RANBP17: variants seen among roughly 807,000 people sequenced by gnomAD.
RANBP17 encodes the protein RAN binding protein 17, also known as ran-binding protein 17.
A neutral mutation model predicts 141.2 loss-of-function variants in RANBP17; 158 were observed. The ratio of observed to expected loss-of-function variants is 1.12; its 90% confidence interval spans 0.98 to 1.28. The LOEUF (loss-of-function observed/expected upper bound fraction) is 1.28. Among genes scored for constraint, RANBP17 ranks in the 50% most tolerant of loss-of-function variants. The pLI is 0.00. For synonymous variants in RANBP17, 430 were observed against 450.0 expected, an observed-to-expected ratio of 0.96 and a Z score of 0.56; for missense variants, 1,438 against 1,290.7, an observed-to-expected ratio of 1.11 and a Z score of -1.75.
intron 14 of RANBP17, among the ~76,000 whole-genome samples, chr5:171,068,589 T>A (rs1784444471): frequency 6.6e-6 from 1 of 151,822 alleles, no homozygotes; most frequent in Admixed American, 6.6e-5. Context: ...TTGTTGTTGT[T>A]GTTGTTGTTG....
intron 5 of RANBP17, among the ~76,000 whole-genome samples, chr5:170,899,601 T>A (rs1330000301): frequency 1.3e-5 from 2 of 152,230 alleles, no homozygotes; most frequent in Admixed American, 1.3e-4. Flanking sequence ...TGTGCCGGTT[T>A]TCAAAGGGAA....
intron 14 of RANBP17, among the ~76,000 whole-genome samples, chr5:171,089,690 G>A (rs1165678854): frequency 4.6e-5 from 7 of 152,206 alleles, no homozygotes; most frequent in African/African-American, 1.7e-4. Flanking sequence ...GGTCTGAAAA[G>A]CGCAATATTC....
At chr5:171,291,819 AAAG>A (rs1768517206) in intron 25 of RANBP17, among the ~76,000 whole-genome samples, 1 of 152,240 alleles carries the variant, frequency 6.6e-6, no homozygotes, top group Non-Finnish European at 1.5e-5. Flanking sequence ...AAAGAATAAA[AAAG>A]AAAAAAAAAT....
chr5:170,862,385 G>A (rs2127291917), intron 1 of RANBP17, among the ~76,000 whole-genome samples: 1 of 152,318 alleles, frequency 6.6e-6, no homozygotes, highest in South Asian at 2.1e-4. Flanking sequence ...TGTTGCCAGG[G>A]CAGGTGGGAG....
intron 14 of RANBP17, among the ~76,000 whole-genome samples, chr5:170,996,221 G>A (rs930773633): frequency 6.6e-6 from 1 of 152,074 alleles, no homozygotes; most frequent in Non-Finnish European, 1.5e-5. Flanking sequence ...CCTTCCTCAC[G>A]GTTATTAAGT....
chr5:170,922,607 G>T (rs979789927), intron 11 of RANBP17, among the ~76,000 whole-genome samples: 1 of 152,212 alleles, frequency 6.6e-6, no homozygotes, highest in Admixed American at 6.5e-5. Context: ...GGCTCCGTGG[G>T]CGTGGGACCC....
intron 14 of RANBP17, among the ~76,000 whole-genome samples, chr5:171,132,239 C>G (rs1411416769): frequency 6.6e-6 from 1 of 151,722 alleles, no homozygotes; most frequent in Non-Finnish European, 1.5e-5. Context: ...CCAAGCCCTA[C>G]CCCCCACCCA....
chr5:171,018,667 G>A (rs1780620788), intron 14 of RANBP17, among the ~76,000 whole-genome samples: 1 of 152,084 alleles, frequency 6.6e-6, no homozygotes, highest in Admixed American at 6.5e-5. Flanking sequence ...CTGAGATGAT[G>A]GGGTTTTCTA....
chr5:170,885,348 C>T (rs1456916414), intron 3 of RANBP17, among the ~76,000 whole-genome samples: 3 of 152,228 alleles, frequency 2.0e-5, no homozygotes, highest in East Asian at 3.9e-4. Context: ...GGGGTAATAT[C>T]ATCCATTTCA....
At chr5:171,221,068 C>G (rs1166337547) in intron 21 of RANBP17, among the ~76,000 whole-genome samples, 1 of 152,140 alleles carries the variant, frequency 6.6e-6, no homozygotes, top group Non-Finnish European at 1.5e-5. Flanking sequence ...GCCACTTCTT[C>G]TTAAAAGCCA....
intron 14 of RANBP17, among the ~76,000 whole-genome samples, chr5:171,063,783 A>C (rs1784092949): frequency 6.6e-6 from 1 of 152,354 alleles, no homozygotes; most frequent in South Asian, 2.1e-4. Context: ...CTACAGAGGC[A>C]GGCAGGCTTC....
At chr5:171,186,964 C>A in intron 18 of RANBP17, among the ~76,000 whole-genome samples, 1 of 152,056 alleles carries the variant, frequency 6.6e-6, no homozygotes, top group East Asian at 1.9e-4. Context: ...GTGCAGGAGA[C>A]CCAGCGTTTG....
At chr5:171,038,808 A>G (rs548765137) in intron 14 of RANBP17, among the ~76,000 whole-genome samples, 1 of 152,278 alleles carries the variant, frequency 6.6e-6, no homozygotes, top group South Asian at 2.1e-4. Context: ...CCAGGAATGA[A>G]GCTTACTTGT....
At chr5:170,998,518 G>A (rs906689819) in intron 14 of RANBP17, among the ~76,000 whole-genome samples, 1 of 152,118 alleles carries the variant, frequency 6.6e-6, no homozygotes, top group African/African-American at 2.4e-5. Context: ...AATAATGTCA[G>A]TACTAAAAGT....
intron 14 of RANBP17, among the ~76,000 whole-genome samples, chr5:171,046,809 G>A (rs991268418): frequency 6.6e-5 from 10 of 151,980 alleles, no homozygotes; most frequent in African/African-American, 1.9e-4. Flanking sequence ...TGTAATCTTT[G>A]CAAGTCTAGT....
intron 14 of RANBP17, among the ~76,000 whole-genome samples, chr5:171,121,862 G>A (rs926195384): frequency 6.6e-6 from 1 of 152,206 alleles, no homozygotes; most frequent in South Asian, 2.1e-4. Context: ...CACTCCAGAG[G>A]TGCCTCTGAT....
intron 25 of RANBP17, among the ~76,000 whole-genome samples, chr5:171,267,931 AC>A (rs1274975408): frequency 6.6e-6 from 1 of 152,190 alleles, no homozygotes; most frequent in African/African-American, 2.4e-5. Flanking sequence ...AATTATGTAA[AC>A]TTTATTTGTG....
At chr5:170,944,149 A>G (rs1344611975) in intron 12 of RANBP17, among the ~76,000 whole-genome samples, 1 of 152,180 alleles carries the variant, frequency 6.6e-6, no homozygotes, top group East Asian at 1.9e-4. Context: ...GTAGCTTCTT[A>G]ACATTTACTG....
chr5:171,265,569 G>A (rs1013472281), intron 24 of RANBP17, 112 bp from the exon 25 acceptor site: 11 of 1,025,704 alleles, frequency 1.1e-5, no homozygotes, highest in Admixed American at 7.3e-5. Context: ...CTTGCAATTT[G>A]ATAAAAGCAC....
Sources: allele counts gnomAD v4.1 joint callset (sites outside exome capture counted in the v4.1 genomes callset), GRCh38; gene constraint gnomAD v4.1.1; transcripts MANE v1.5; gene names NCBI Gene and HGNC (gene_info 2026-07-23, HGNC 2026-07-21).